PRKCB: variants seen among roughly 807,000 people sequenced by gnomAD.
The protein encoded by PRKCB is protein kinase C beta type.
A neutral mutation model predicts 81.5 loss-of-function variants in PRKCB; 13 were observed. The ratio of observed to expected loss-of-function variants is 0.16; its 90% CI spans 0.10 to 0.25. The LOEUF (loss-of-function observed/expected upper bound fraction) is 0.25, where lower values mean the gene tolerates loss of function less well. Among genes scored for constraint, PRKCB ranks in the 10% least tolerant of loss-of-function variants. The probability of loss-of-function intolerance (pLI) is 1.00; values close to 1 mark genes in which losing one functional copy is unlikely to be tolerated. For missense variants in PRKCB, 509 were observed against 875.7 expected, an observed-to-expected ratio of 0.58 and a Z score of 5.29; for synonymous variants, 335 against 321.4, an observed-to-expected ratio of 1.04 and a Z score of -0.45.
At chr16:24,151,864 C>G (rs556357206) in intron 9 of PRKCB, 63 of 455,586 alleles carry the variant, frequency 1.4e-4, no homozygotes, top group Non-Finnish European at 2.6e-4. Flanking sequence ...GGGTAATTGA[C>G]ACAGATGTAG....
At chr16:24,129,600 T>C (rs1966850271) in intron 9 of PRKCB, among the ~76,000 whole-genome samples, 1 of 152,158 alleles carries the variant, frequency 6.6e-6, no homozygotes, top group African/African-American at 2.4e-5. Context: ...CTGTTATCTA[T>C]CTACCCATCA....
chr16:24,011,007 G>A (rs1321776183), intron 3 of PRKCB, among the ~76,000 whole-genome samples: 1 of 152,120 alleles, frequency 6.6e-6, no homozygotes, highest in African/African-American at 2.4e-5. Context: ...TGGGGCTACA[G>A]GCATGTGCCG....
chr16:24,157,015 G>A (rs1381431636), intron 10 of PRKCB, among the ~76,000 whole-genome samples: 1 of 123,440 alleles, frequency 8.1e-6, no homozygotes, highest in East Asian at 2.3e-4. Flanking sequence ...TCATTGTAGT[G>A]TCTTTGTGGT....
intron 16 of PRKCB, among the ~76,000 whole-genome samples, chr16:24,196,423 C>G (rs1967880382): frequency 6.6e-6 from 1 of 152,216 alleles, no homozygotes; most frequent in Non-Finnish European, 1.5e-5. Flanking sequence ...TGCAAACTGT[C>G]ATGGCATCGT....
intron 5 of PRKCB, among the ~76,000 whole-genome samples, chr16:24,042,596 C>T (rs1183518038): frequency 6.6e-6 from 1 of 152,152 alleles, no homozygotes; most frequent in Non-Finnish European, 1.5e-5. Flanking sequence ...ATTTTTGACA[C>T]ATTTCAAAGT....
chr16:23,991,789 A>G (rs770721144), intron 3 of PRKCB, among the ~76,000 whole-genome samples: 6 of 152,146 alleles, frequency 3.9e-5, no homozygotes, highest in African/African-American at 4.8e-5. Flanking sequence ...CTTTAATCTT[A>G]TATCTTATCA....
At chr16:23,922,834 G>A (rs975562073) in intron 2 of PRKCB, among the ~76,000 whole-genome samples, 1 of 150,278 alleles carries the variant, frequency 6.7e-6, no homozygotes, top group Non-Finnish European at 1.5e-5. Context: ...TTCATGGGTA[G>A]AATGGTGGCC....
At chr16:23,946,626 A>C (rs796343145) in intron 2 of PRKCB, among the ~76,000 whole-genome samples, 2 of 149,540 alleles carry the variant, frequency 1.3e-5, no homozygotes, top group African/African-American at 5.1e-5. Context: ...GATTCTTAGC[A>C]GGCTAACTTT....
chr16:24,002,890 G>A (rs1473565210), intron 3 of PRKCB, among the ~76,000 whole-genome samples: 1 of 152,072 alleles, frequency 6.6e-6, no homozygotes, highest in Non-Finnish European at 1.5e-5. Flanking sequence ...CATAATGACT[G>A]CTTCAACTGG....
intron 5 of PRKCB, among the ~76,000 whole-genome samples, chr16:24,062,062 GT>G (rs1377712019): frequency 6.6e-6 from 1 of 152,198 alleles, no homozygotes; most frequent in East Asian, 1.9e-4. Flanking sequence ...CCACTGCTAT[GT>G]TGTTATTAGC....
At chr16:24,202,733 T>C (rs1210128591) in intron 16 of PRKCB, among the ~76,000 whole-genome samples, 2 of 152,216 alleles carry the variant, frequency 1.3e-5, no homozygotes, top group African/African-American at 4.8e-5. Context: ...TTCCCCTCTG[T>C]CTTGGAGATT....
At chr16:23,960,458 CTTTT>C (rs539421935) in intron 2 of PRKCB, among the ~76,000 whole-genome samples, 4 of 149,432 alleles carry the variant, frequency 2.7e-5, no homozygotes, top group African/African-American at 9.8e-5. Context: ...ATGTCTGTGT[CTTTT>C]TTTTTTCTTC....
intron 5 of PRKCB, among the ~76,000 whole-genome samples, chr16:24,081,344 G>GA (rs1156811115): frequency 2.0e-5 from 3 of 151,756 alleles, no homozygotes; most frequent in African/African-American, 7.3e-5. Flanking sequence ...AATTGATGCA[G>GA]AAAAAATTGG....
At position 23,836,226 on chromosome 16, in the gene PRKCB, C is replaced by T. The variant is rs1246197021; in HGVS notation, c.51C>T (p.Thr17=). Residue 17 remains threonine, a synonymous_variant, in exon 1 of 17, where the codon ACC becomes ACT. Transcript: ENST00000643927. The stretch of plus-strand genomic sequence containing the variant: ...CGCCGAGCGAGGGCGAGGAGAGCAC[C>T]GTGCGCTTCGCCCGCAAAGGCGCCC... ...GPPPSEGEES[T]VRFARKGALR... is the part of the protein sequence containing the mutation. 6.9e-6 allele frequency: 11 copies of T among 1,599,630 alleles called. No homozygotes were observed. Among genetic ancestry groups the T allele is most frequent in the South Asian group, 4.4e-5 (4 of 90,646 alleles).
In PRKCB at chr16:24,218,925, G is replaced by A. The variant is rs570237636; in HGVS notation, c.*4109G>A. The A allele has an allele frequency of 2.1e-4, 203 of 985,438 alleles. 1 individual carries two copies. The South Asian group carries it at 7.6e-3, about 37-fold the overall frequency. The allele number at this position is 985,438 out of a possible 1,614,324, so 61.0% of individuals were successfully genotyped here. On this transcript the variant is annotated 3_prime_UTR_variant, in exon 17 of 17. Transcript: ENST00000643927. Reference sequence around the variant, plus strand: ...AGCGATGTGGTCAGGTAAAAATCAGGAACCCACTGAAATCTTGGGCAAGCC... The same window carrying A: ...AGCGATGTGGTCAGGTAAAAATCAGAAACCCACTGAAATCTTGGGCAAGCC...
At chr16:23,860,354 G>A (rs1238130373) in intron 2 of PRKCB, among the ~76,000 whole-genome samples, 1 of 152,106 alleles carries the variant, frequency 6.6e-6, no homozygotes, top group Admixed American at 6.6e-5. Flanking sequence ...AAAGCTTGGG[G>A]GAGAAGATAG....
chr16:24,174,752 T>C (rs2141967924), intron 12 of PRKCB, 172 bp downstream of exon 12: 3 of 591,102 alleles, frequency 5.1e-6, no homozygotes, highest in South Asian at 4.8e-5. Flanking sequence ...CTGGCAAAGT[T>C]TGGGCAGCTC....
chr16:24,010,279 A>G (rs1017152721), intron 3 of PRKCB, among the ~76,000 whole-genome samples: 6 of 152,220 alleles, frequency 3.9e-5, no homozygotes, highest in African/African-American at 1.4e-4. Context: ...TAAAGGATGA[A>G]GGTCTAAGTT....
In PRKCB at chr16:23,971,645, C is replaced by T. The variant is rs577237422; in HGVS notation, c.206-16863C>T. Among the ~76,000 whole-genome samples, 16 of 152,282 alleles carry T rather than the reference C, an allele frequency of 1.1e-4. No individual in the cohort carries two copies. The East Asian group carries it at 2.3e-3, about 22-fold the overall frequency. ...GGCCCCGCTCTGTGATGCTAGCCCC[C>T]GCGAGGTTGCCCATCTCTCAGGGTT... On this transcript the variant is annotated intron_variant, in intron 2 of 16. Transcript: ENST00000643927.
Sources: allele counts gnomAD v4.1 joint callset (sites outside exome capture counted in the v4.1 genomes callset), GRCh38; gene constraint gnomAD v4.1.1; transcripts MANE v1.5; gene names NCBI Gene and HGNC (gene_info 2026-07-23, HGNC 2026-07-21).